CDH18: variants seen among roughly 807,000 people sequenced by gnomAD.
CDH18 encodes cadherin-18.
CDH18 carries 31 observed loss-of-function variants against 67.9 expected under a neutral mutation model. That is an observed-to-expected ratio of 0.46 (90% CI 0.34 to 0.62). CDH18 has a LOEUF of 0.62. Ranked by LOEUF, CDH18 falls within the 20% of genes least tolerant of loss-of-function variation. The pLI is 0.01. For synonymous variants in CDH18, 362 were observed against 347.2 expected (o/e 1.04, Z -0.48); for missense variants, 890 against 975.5 (o/e 0.91, Z 1.17).
chr5:19,693,006 T>C (rs1052614042), intron 5 of CDH18, among the ~76,000 whole-genome samples: 1 of 151,922 alleles, frequency 6.6e-6, no homozygotes, highest in Non-Finnish European at 1.5e-5. Flanking sequence ...TGGCTATCAA[T>C]CGATTAATGC....
Position 19,747,177 on chromosome 5 carries a change from A to C in CDH18, c.288T>G (p.Gly96=). 3.1e-6 allele frequency: 5 copies of C among 1,613,974 alleles called. No individual in the cohort carries two copies. Among genetic ancestry groups the C allele is most frequent in the Non-Finnish European group, 4.2e-6 (5 of 1,179,900 alleles). ...GSVKYILTGE[G]AGTIFIIDDT... ...CGTCAATGATAAATATAGTCCCAGC[A>C]CCCTCTCCAGTAAGGATGTACTTGA... The change falls in exon 4 of 13, where the codon GGT becomes GGG. Residue 96 remains glycine, a synonymous_variant. Coordinates refer to ENST00000382275, the MANE Select transcript of CDH18 (RefSeq NM_004934.5).
intron 5 of CDH18, among the ~76,000 whole-genome samples, chr5:19,629,141 AT>A (rs1752034986): frequency 6.6e-6 from 1 of 152,160 alleles, no homozygotes; most frequent in Non-Finnish European, 1.5e-5. Context: ...CGTTAAGTGA[AT>A]TTTTAAGCAT....
At chr5:19,589,811 A>C (rs16885716) in intron 7 of CDH18, among the ~76,000 whole-genome samples, 2,469 of 152,006 alleles carry the variant, frequency 0.016, 69 homozygotes, top group African/African-American at 0.056. Context: ...GCCATGTTTC[A>C]CTCACCTCAG....
At position 19,774,070 on chromosome 5, in the gene CDH18, T is replaced by C. The variant is rs150957442; in HGVS notation, c.229-26834A>G. Among the ~76,000 whole-genome samples, 70 of 152,282 alleles carry C rather than the reference T, an allele frequency of 4.6e-4. 1 individual carries two copies. The highest frequency in any genetic ancestry group is 1.6e-3 in the African/African-American group (68 of 41,566). Reference sequence around the variant, plus strand: ...CACTTTTGGACATATTACTGGTCTTTGAGATTTACTCCAAAATAACATGGG... The same window carrying C: ...CACTTTTGGACATATTACTGGTCTTCGAGATTTACTCCAAAATAACATGGG... On this transcript the variant is annotated intron_variant, in intron 3 of 12. Transcript: ENST00000382275.
At chr5:20,483,216 G>A (rs1165582283) in intron 1 of CDH18, among the ~76,000 whole-genome samples, 1 of 151,890 alleles carries the variant, frequency 6.6e-6, no homozygotes, top group Non-Finnish European at 1.5e-5. Context: ...AACCAAATAA[G>A]TGAGAGATAT....
At position 20,323,005 on chromosome 5, in the gene CDH18, TA is replaced by T. The variant is rs1236607694; in HGVS notation, c.-579-67501del. ...AACAAAGAATATGGCATTAATGGAA[TA>T]GGTTTTAAAAAAAAGCAGGTTAAAA... On this transcript the variant is annotated intron_variant, in intron 1 of 14. Transcript: ENST00000507958. Among the ~76,000 whole-genome samples, 4 of 152,174 alleles carry T rather than the reference TA, an allele frequency of 2.6e-5. No individual in the cohort carries two copies. The Middle Eastern group carries it at 0.01, about 388-fold the overall frequency.
chr5:19,987,034 C>A (rs945308693), intron 1 of CDH18, among the ~76,000 whole-genome samples: 3 of 152,020 alleles, frequency 2.0e-5, no homozygotes, highest in Non-Finnish European at 4.4e-5. Context: ...GATGCCATCA[C>A]CTGAGCAAAC....
chr5:19,699,632 G>C lies in CDH18; in HGVS notation c.643+21715C>G, dbSNP rs199718370. Among the ~76,000 whole-genome samples, 43 of 133,434 alleles carry C rather than the reference G, an allele frequency of 3.2e-4. 1 individual carries two copies. The highest frequency in any genetic ancestry group is 2.4e-4 in the East Asian group (1 of 4,116). 87.5% of individuals were successfully genotyped at this position (133,434 alleles called of 152,430 possible). The stretch of plus-strand genomic sequence containing the variant: ...TCTCCATGTGTGTGTGTGTGTGTGT[G>C]TGTGTGTGTCTGTGTGTGTGTGTGT... On this transcript the variant is annotated intron_variant, in intron 5 of 12. Coordinates refer to ENST00000382275, the MANE Select transcript of CDH18 (RefSeq NM_004934.5).
chr5:20,250,347 C>G (rs965592336), intron 2 of CDH18, among the ~76,000 whole-genome samples: 1 of 151,814 alleles, frequency 6.6e-6, no homozygotes, highest in African/African-American at 2.4e-5. Context: ...GGCTGGAGTG[C>G]AGCCGTGCGA....
chr5:20,381,288 A>G (rs906231894), intron 1 of CDH18, among the ~76,000 whole-genome samples: 1 of 152,172 alleles, frequency 6.6e-6, no homozygotes, highest in Non-Finnish European at 1.5e-5. Context: ...CAGTCCTAGT[A>G]CAGTAATATA....
chr5:20,220,637 G>C (rs1741150142), intron 2 of CDH18, among the ~76,000 whole-genome samples: 1 of 151,924 alleles, frequency 6.6e-6, no homozygotes, highest in South Asian at 2.1e-4. Flanking sequence ...AACACATCAA[G>C]TTAGGAATCT....
intron 1 of CDH18, among the ~76,000 whole-genome samples, chr5:20,280,669 T>A (rs182532449): frequency 6.6e-6 from 1 of 152,306 alleles, no homozygotes; most frequent in East Asian, 1.9e-4. Context: ...AATAAACATA[T>A]GTGTGCATGT....
At chr5:20,506,533 C>T (rs955454453) in intron 1 of CDH18, among the ~76,000 whole-genome samples, 2 of 152,162 alleles carry the variant, frequency 1.3e-5, no homozygotes, top group African/African-American at 2.4e-5. Flanking sequence ...CCAGCAACCA[C>T]GTAAGTGGGG....
chr5:19,572,236 A>C (rs1741556099), intron 7 of CDH18, among the ~76,000 whole-genome samples: 1 of 152,216 alleles, frequency 6.6e-6, no homozygotes, highest in Non-Finnish European at 1.5e-5. Flanking sequence ...ATGTAGTTTT[A>C]AAAGTTAAAA....
chr5:20,223,397 G>A (rs980613280), intron 2 of CDH18, among the ~76,000 whole-genome samples: 3 of 152,128 alleles, frequency 2.0e-5, no homozygotes, highest in East Asian at 3.9e-4. Flanking sequence ...TAACTAACTT[G>A]CTTTCGATTT....
intron 2 of CDH18, among the ~76,000 whole-genome samples, chr5:20,236,795 T>G (rs1742505542): frequency 6.6e-6 from 1 of 152,050 alleles, no homozygotes; most frequent in Non-Finnish European, 1.5e-5. Flanking sequence ...AACTCTTCCA[T>G]GAATTTGAGA....
intron 1 of CDH18, among the ~76,000 whole-genome samples, chr5:20,547,380 GT>G (rs1757398603): frequency 6.6e-6 from 1 of 151,922 alleles, no homozygotes; most frequent in African/African-American, 2.4e-5. Flanking sequence ...GGCCAATATT[GT>G]GAAACCCCGT....
intron 4 of CDH18, among the ~76,000 whole-genome samples, chr5:19,740,402 T>C (rs1768953169): frequency 1.3e-5 from 2 of 152,028 alleles, no homozygotes; most frequent in South Asian, 4.1e-4. Context: ...ATGACTGCAA[T>C]AGAAACAAAT....
intron 4 of CDH18, among the ~76,000 whole-genome samples, chr5:19,739,173 G>C (rs1768766127): frequency 6.6e-6 from 1 of 152,178 alleles, no homozygotes. Flanking sequence ...AGGTGGAAAA[G>C]GTTGTCATGT....
Sources: allele counts gnomAD v4.1 joint callset (sites outside exome capture counted in the v4.1 genomes callset), GRCh38; gene constraint gnomAD v4.1.1; transcripts MANE v1.5; gene names NCBI Gene and HGNC (gene_info 2026-07-23, HGNC 2026-07-21).